Variants in SIRT2 observed in about 807,000 individuals in gnomAD.
SIRT2 encodes the protein NAD-dependent protein deacetylase sirtuin-2.
A neutral mutation model predicts 57.4 loss-of-function variants in SIRT2; 40 were observed. The observed-to-expected ratio is 0.70, with a 90% CI of 0.54 to 0.91. The LOEUF (loss-of-function observed/expected upper bound fraction) is 0.91, where lower values mean the gene tolerates loss of function less well. SIRT2 is among the 40% of genes least tolerant of loss of function. The probability of loss-of-function intolerance (pLI) is 0.00; values close to 1 mark genes in which losing one functional copy is unlikely to be tolerated. For synonymous variants in SIRT2, 161 were observed against 195.7 expected, an observed-to-expected ratio of 0.82 and a Z score of 1.48; for missense variants, 439 against 510.4, an observed-to-expected ratio of 0.86 and a Z score of 1.35.
intron 4 of SIRT2, among the ~76,000 whole-genome samples, chr19:38,892,287 T>C (rs964222789): frequency 2.6e-4 from 40 of 151,446 alleles, no homozygotes; most frequent in Non-Finnish European, 2.2e-4. Context: ...TCCCAGCCAC[T>C]CGGGAGGCTG....
intron 7 of SIRT2, chr19:38,889,412 A>G: frequency 1.4e-6 from 1 of 692,762 alleles, no homozygotes. Context: ...GCCCGGCTGC[A>G]GGGTCCCGGG....
chr19:38,898,317 C>T (rs532277766), intron 2 of SIRT2, 62 bp downstream of exon 2: 25 of 1,294,030 alleles, frequency 1.9e-5, no homozygotes, highest in Middle Eastern at 2.8e-4. Context: ...CCACCTCCCC[C>T]CAGTGTGGGA....
chr19:38,881,240 C>T, intron 10 of SIRT2, 85 bp from the exon 11 acceptor site: 1 of 1,401,754 alleles, frequency 7.1e-7, no homozygotes, highest in Non-Finnish European at 9.9e-7. Flanking sequence ...ACCCGGAGGC[C>T]ACAGTGGGAG....
intron 4 of SIRT2, among the ~76,000 whole-genome samples, chr19:38,890,839 C>T (rs1192797738): frequency 3.9e-5 from 6 of 152,240 alleles, no homozygotes; most frequent in Non-Finnish European, 8.8e-5. Flanking sequence ...CCATAGTACC[C>T]TGGCATCTGC....
intron 2 of SIRT2, 175 bp from the exon 3 acceptor site, chr19:38,894,042 G>C (rs996715960): frequency 1.5e-5 from 21 of 1,385,188 alleles, no homozygotes; most frequent in Non-Finnish European, 1.9e-5. Flanking sequence ...GGCTGCCGGG[G>C]TTGGAGTCCT....
chr19:38,893,002 C>G (rs1261298202), intron 4 of SIRT2, among the ~76,000 whole-genome samples: 1 of 152,154 alleles, frequency 6.6e-6, no homozygotes, highest in African/African-American at 2.4e-5. Context: ...GGAGAAGCGA[C>G]CCAGGTCTGG....
chr19:38,888,044 G>A (rs1021187436), intron 8 of SIRT2, among the ~76,000 whole-genome samples: 4 of 152,130 alleles, frequency 2.6e-5, no homozygotes, highest in Non-Finnish European at 5.9e-5. Context: ...GTGAGCCACC[G>A]CGCCCGGCCA....
chr19:38,892,395 C>CA lies in SIRT2; in HGVS notation c.226+1018dup, dbSNP rs563077354. 3.3e-3 allele frequency among the ~76,000 whole-genome samples: 419 copies of CA among 126,516 alleles called. 2 individuals are homozygous for CA. Among genetic ancestry groups the CA allele is most frequent in the Middle Eastern group, 0.025 (6 of 242 alleles). 83.0% of individuals were successfully genotyped at this position (126,516 alleles called of 152,430 possible). A position where few individuals can be genotyped will look rare whatever the true frequency, so the allele number is the denominator to read the frequency against. ...TGGGCAACAGAGCAAGACTCCATCT[C>CA]AAAAAAAAAAAAAGAAAAAGAAATA... On this transcript the variant is annotated intron_variant, in intron 4 of 15. Coordinates refer to ENST00000249396, the MANE Select transcript of SIRT2 (RefSeq NM_012237.4).
chr19:38,896,445 C>G (rs1030980821), intron 2 of SIRT2, among the ~76,000 whole-genome samples: 4 of 152,130 alleles, frequency 2.6e-5, no homozygotes, highest in African/African-American at 9.7e-5. Context: ...CTCAAAACTC[C>G]TGGGCTCAAG....
At chr19:38,883,598 C>A in intron 9 of SIRT2, 29 bp downstream of exon 9, 1 of 1,607,514 alleles carries the variant, frequency 6.2e-7, no homozygotes, top group Non-Finnish European at 8.5e-7. Context: ...TGAGAGGAGG[C>A]CTGCCCTCAG....
At chr19:38,885,314 G>T (rs915329647) in intron 8 of SIRT2, among the ~76,000 whole-genome samples, 1 of 150,774 alleles carries the variant, frequency 6.6e-6, no homozygotes, top group African/African-American at 2.4e-5. Flanking sequence ...CTATTTGCCC[G>T]GGCTGGTCTT....
chr19:38,896,989 C>G lies in SIRT2; in HGVS notation c.63+1390G>C, dbSNP rs543934792. Reference sequence around the variant, plus strand: ...GGCCTTCAAGCTCCTATGAGACTGCCTGTCCACCTCTCCTGGCAGCCTCTG... The same window carrying G: ...GGCCTTCAAGCTCCTATGAGACTGCGTGTCCACCTCTCCTGGCAGCCTCTG... On this transcript the variant is annotated intron_variant, in intron 2 of 15. Coordinates refer to ENST00000249396, the MANE Select transcript of SIRT2 (RefSeq NM_012237.4). 5.8e-4 allele frequency among the ~76,000 whole-genome samples: 89 copies of G among 152,182 alleles called. 1 individual carries two copies. The highest frequency in any genetic ancestry group is 9.8e-4 in the Admixed American group (15 of 15,278).
rs45537332 is a variant in SIRT2, at chr19:38,889,313, A to G, written c.433-158T>C. The stretch of plus-strand genomic sequence containing the variant: ...GAGACCACTGCTATCCCCAGATCAC[A>G]GATGAGGAAACTGAAGGACAGGGAA... On this transcript the variant is annotated intron_variant, in intron 7 of 15. Transcript: ENST00000249396. 5.8e-3 allele frequency: 4,286 copies of G among 735,618 alleles called. 124 individuals carry two copies. In the African/African-American group the frequency reaches 0.06, roughly 10 times the overall value. The allele number at this position is 735,618 out of a possible 1,614,324, so 45.6% of individuals were successfully genotyped here.
intron 2 of SIRT2, among the ~76,000 whole-genome samples, chr19:38,897,254 C>A (rs1760590255): frequency 6.6e-6 from 1 of 152,200 alleles, no homozygotes; most frequent in Non-Finnish European, 1.5e-5. Flanking sequence ...CTATAACAAG[C>A]TGACCACCAC....
Position 38,880,446 on chromosome 19 carries a change from C to A in SIRT2, c.876+239G>T. The A allele has an allele frequency of 2.1e-6, 1 of 475,214 alleles. No homozygotes were observed. The highest frequency in any genetic ancestry group is 3.7e-6 in the Non-Finnish European group (1 of 270,038). 29.4% of individuals were successfully genotyped at this position (475,214 alleles called of 1,614,324 possible). A position where few individuals can be genotyped will look rare whatever the true frequency, so the allele number is the denominator to read the frequency against. Reference sequence around the variant, plus strand: ...GCACCCCCTCCCACCTCCTCAGTCCCTGGAAGCCCGGCCTTCCTATCTGGC... The same window carrying A: ...GCACCCCCTCCCACCTCCTCAGTCCATGGAAGCCCGGCCTTCCTATCTGGC... On this transcript the variant is annotated intron_variant, in intron 13 of 15. Coordinates refer to ENST00000249396, the MANE Select transcript of SIRT2 (RefSeq NM_012237.4). This position sits in a 1 kb window ranked among gnomAD's most constrained non-coding sequence, Gnocchi z 4.1.
At chr19:38,884,265 T>C (rs1175782615) in intron 8 of SIRT2, among the ~76,000 whole-genome samples, 2 of 152,236 alleles carry the variant, frequency 1.3e-5, no homozygotes, top group East Asian at 3.8e-4. Flanking sequence ...CCAGATGCTT[T>C]ATTTCCACCT....
chr19:38,883,906 T>A, intron 8 of SIRT2, 150 bp from the exon 9 acceptor site: 1 of 757,206 alleles, frequency 1.3e-6, no homozygotes, highest in South Asian at 1.7e-5. Context: ...GCAGGGTTTA[T>A]CTGAAGACTC....
chr19:38,893,672 G>T, intron 3 of SIRT2, 145 bp from the exon 4 acceptor site: 1 of 1,215,760 alleles, frequency 8.2e-7, no homozygotes. Flanking sequence ...GCCTCCAGGA[G>T]CCTGCTCTGG....
intron 1 of SIRT2, among the ~76,000 whole-genome samples, chr19:38,899,105 G>A (rs967059419): frequency 3.3e-5 from 5 of 152,074 alleles, no homozygotes; most frequent in African/African-American, 9.7e-5. Context: ...CAGTGGAGGC[G>A]GTAGGTTTAG....
Sources: gnomAD v4.1 joint callset for allele counts (sites outside exome capture counted in the v4.1 genomes callset) on GRCh38, gnomAD v4.1.1 for gene constraint, Gnocchi (gnomAD v3.1) non-coding constraint, MANE v1.5 for transcripts, NCBI Gene and HGNC (gene_info 2026-07-23, HGNC 2026-07-21) for gene names.